YAP1: variants seen among roughly 807,000 people sequenced by gnomAD.
YAP1 encodes the protein transcriptional coactivator YAP1.
In YAP1, 5 loss-of-function variants were observed where a neutral mutation model predicts 56.9. The observed-to-expected ratio is 0.09, with a 90% CI of 0.05 to 0.18. YAP1 has a LOEUF of 0.18. YAP1 is among the 10% of genes least tolerant of loss of function. The pLI, the probability that YAP1 is intolerant of heterozygous loss-of-function variation, is 1.00. For synonymous variants in YAP1, 265 were observed against 248.1 expected (o/e 1.07, Z -0.64); for missense variants, 539 against 651.8 (o/e 0.83, Z 1.88).
intron 3 of YAP1, among the ~76,000 whole-genome samples, chr11:102,176,559 A>T (rs984400782): frequency 3.3e-5 from 5 of 151,890 alleles, no homozygotes; most frequent in African/African-American, 1.2e-4. Flanking sequence ...AGCCTGGCCA[A>T]CATGGTGAAA....
rs1591469606 is a variant in YAP1, at chr11:102,223,747, T to G, written c.1158T>G (p.Leu386=). The part of the protein sequence containing the change: ...TMTTNSSDPF[L]NSGTYHSRDE... ...CGACCAATAGCTCAGATCCTTTCCT[T>G]AACAGGTTGGTGAAAGTTGCTACTG... is the stretch of plus-strand genomic sequence containing the variant. The change falls in exon 7 of 9, where the codon CTT becomes CTG. Residue 386 remains leucine, a synonymous_variant. Transcript: ENST00000282441. 1 of 1,613,888 alleles carries G rather than the reference T, an allele frequency of 6.2e-7. No individual in the cohort carries two copies. The highest frequency in any genetic ancestry group is 1.3e-5 in the African/African-American group (1 of 75,038).
chr11:102,220,318 A>C (rs1454043587), intron 6 of YAP1, among the ~76,000 whole-genome samples: 1 of 152,156 alleles, frequency 6.6e-6, no homozygotes, highest in Non-Finnish European at 1.5e-5. Flanking sequence ...CAAGAACAAA[A>C]CAAAACAAAA....
At chr11:102,219,442 A>G (rs1949815459) in intron 6 of YAP1, among the ~76,000 whole-genome samples, 1 of 152,122 alleles carries the variant, frequency 6.6e-6, no homozygotes, top group African/African-American at 2.4e-5. Flanking sequence ...GAGTTTCTTC[A>G]AAAAGGTAGT....
chr11:102,120,120 C>T (rs945351161), intron 2 of YAP1, among the ~76,000 whole-genome samples: 5 of 152,170 alleles, frequency 3.3e-5, no homozygotes, highest in Admixed American at 3.3e-4. Context: ...AGGGACATTG[C>T]CGTTTCTATG....
intron 4 of YAP1, among the ~76,000 whole-genome samples, chr11:102,197,945 C>T (rs1368180285): frequency 6.6e-6 from 1 of 152,106 alleles, no homozygotes; most frequent in African/African-American, 2.4e-5. Flanking sequence ...TGTTGAAAGA[C>T]TTAAGATACT....
At chr11:102,205,794 T>TA in intron 4 of YAP1, 99 bp from the exon 5 acceptor site, 1 of 1,246,900 alleles carries the variant, frequency 8.0e-7, no homozygotes. Flanking sequence ...CCAAAAAAGT[T>TA]ACATCGAATA....
chr11:102,165,644 G>C (rs4561174), intron 3 of YAP1, among the ~76,000 whole-genome samples: 5 of 151,742 alleles, frequency 3.3e-5, no homozygotes, highest in Non-Finnish European at 7.4e-5. Flanking sequence ...CGTGCTAGAA[G>C]GTATTTAACA....
intron 2 of YAP1, among the ~76,000 whole-genome samples, 196 bp from the exon 3 acceptor site, chr11:102,162,260 T>G (rs1946333163): frequency 6.6e-6 from 1 of 152,180 alleles, no homozygotes; most frequent in African/African-American, 2.4e-5. Flanking sequence ...ACTTGTAAGA[T>G]CTAAGAGTTG....
At chr11:102,224,872 A>G (rs1950119209) in intron 7 of YAP1, among the ~76,000 whole-genome samples, 1 of 152,196 alleles carries the variant, frequency 6.6e-6, no homozygotes. Context: ...TTTTTCCAAC[A>G]AGGAAAATTT....
At chr11:102,175,197 TG>T (rs1289015290) in intron 3 of YAP1, among the ~76,000 whole-genome samples, 1 of 152,042 alleles carries the variant, frequency 6.6e-6, no homozygotes, top group Non-Finnish European at 1.5e-5. Flanking sequence ...GTCAGGAGTT[TG>T]AGACCAGCCT....
In YAP1 at chr11:102,111,084, A is replaced by T. The variant is rs965501205; in HGVS notation, c.236A>T (p.Asn79Ile). Residue 79 changes from asparagine to isoleucine, a missense_variant, in exon 1 of 9, where the codon AAC becomes ATC. Transcript: ENST00000282441. ...GCCGTCATGAACCCCAAGACGGCCA[A>T]CGTGCCCCAGACCGTGCCCATGAGG... ...FNAVMNPKTA[N>I]VPQTVPMRLR... The T allele has an allele frequency of 6.2e-7, 1 of 1,613,364 alleles. No homozygotes were observed. Among genetic ancestry groups the T allele is most frequent in the Non-Finnish European group, 8.5e-7 (1 of 1,179,814 alleles).
chr11:102,221,811 T>G (rs1178148624), intron 6 of YAP1, among the ~76,000 whole-genome samples: 1 of 152,202 alleles, frequency 6.6e-6, no homozygotes, highest in Non-Finnish European at 1.5e-5. Context: ...AAATGGTATT[T>G]TAAAATATTT....
At chr11:102,113,138 T>G (rs1359738007) in intron 1 of YAP1, among the ~76,000 whole-genome samples, 6 of 152,224 alleles carry the variant, frequency 3.9e-5, no homozygotes, top group African/African-American at 1.4e-4. Context: ...TACTGAGTCC[T>G]TCCAGTTTCC....
chr11:102,164,876 C>A (rs1289934442), intron 3 of YAP1, among the ~76,000 whole-genome samples: 1 of 152,184 alleles, frequency 6.6e-6, no homozygotes, highest in Non-Finnish European at 1.5e-5. Context: ...GAATGCGCCA[C>A]CACGCATGGC....
Position 102,136,613 on chromosome 11 carries a change from A to G in YAP1, c.572+22219A>G, listed in dbSNP as rs144468526. Among the ~76,000 whole-genome samples the G allele has an allele frequency of 3.5e-4, 53 of 152,290 alleles. No homozygotes were observed. The East Asian group carries it at 8.1e-3, about 23-fold the overall frequency. ...AGTGATCCACCTGCCTCAGCCTCCC[A>G]AAGTACTGGGATTACAGGCATGAGC... On this transcript the variant is annotated intron_variant, in intron 2 of 8. Coordinates refer to ENST00000282441, the MANE Select transcript of YAP1 (RefSeq NM_001130145.3).
intron 4 of YAP1, among the ~76,000 whole-genome samples, chr11:102,193,401 T>C (rs1469032833): frequency 6.6e-6 from 1 of 152,164 alleles, no homozygotes; most frequent in East Asian, 1.9e-4. Context: ...CCAGTATGTC[T>C]CAACTATGTT....
At chr11:102,128,227 G>A (rs1486326909) in intron 2 of YAP1, among the ~76,000 whole-genome samples, 1 of 152,156 alleles carries the variant, frequency 6.6e-6, no homozygotes, top group Non-Finnish European at 1.5e-5. Flanking sequence ...ATTTGGCTGT[G>A]TCCCCACTGA....
At chr11:102,227,603 T>G in intron 8 of YAP1, 22 bp downstream of exon 8, 3 of 1,526,976 alleles carry the variant, frequency 2.0e-6, no homozygotes, top group Non-Finnish European at 2.7e-6. Flanking sequence ...TTATTCCTCT[T>G]AGTAACCTGA....
chr11:102,201,715 TACAAAATC>T (rs1948869516), intron 4 of YAP1, among the ~76,000 whole-genome samples: 1 of 152,106 alleles, frequency 6.6e-6, no homozygotes, highest in Non-Finnish European at 1.5e-5. Flanking sequence ...AAACAGTTGT[TACAAAATC>T]AAAGTAAAAA....
Sources: allele counts gnomAD v4.1 joint callset (sites outside exome capture counted in the v4.1 genomes callset), GRCh38; gene constraint gnomAD v4.1.1; transcripts MANE v1.5; gene names NCBI Gene and HGNC (gene_info 2026-07-23, HGNC 2026-07-21).